ANXA8: variants seen among roughly 807,000 people sequenced by gnomAD.
The protein encoded by ANXA8 is annexin A8, also known as VAC-beta.
ANXA8 carries 9 observed loss-of-function variants against 26.8 expected under a neutral mutation model. The ratio of observed to expected loss-of-function variants is 0.34; its 90% confidence interval spans 0.20 to 0.59. The LOEUF is 0.59. Among genes scored for constraint, ANXA8 ranks in the 20% least tolerant of loss-of-function variants. The pLI, the probability that ANXA8 is intolerant of heterozygous loss-of-function variation, is 0.84. For missense variants in ANXA8, 83 were observed against 238.5 expected, an observed-to-expected ratio of 0.35 and a Z score of 4.29; for synonymous variants, 39 against 94.8, an observed-to-expected ratio of 0.41 and a Z score of 3.42.
the ANXA8 span, among the ~76,000 whole-genome samples, chr10:47,559,967 C>G: frequency 8.6e-5 from 13 of 151,478 alleles, no homozygotes; most frequent in African/African-American, 2.7e-4. Context: ...GCAGGTTGAG[C>G]TCTCTAAATG....
chr10:47,953,774 CAT>C, the ANXA8 span, among the ~76,000 whole-genome samples: 5 of 150,676 alleles, frequency 3.3e-5, no homozygotes. Context: ...ACAAATGACA[CAT>C]AGGCATATGA....
At chr10:47,970,231 T>C in the ANXA8 span, 1 of 151,462 alleles carries the variant, frequency 6.6e-6, no homozygotes, top group Non-Finnish European at 1.5e-5. Flanking sequence ...TCTTGCTATG[T>C]GCAGCCAGTG....
At chr10:47,743,341 C>CACAT in the ANXA8 span, among the ~76,000 whole-genome samples, 1 of 53,744 alleles carries the variant, frequency 1.9e-5, no homozygotes, top group African/African-American at 5.5e-5. Context: ...TATATATATA[C>CACAT]ATATATATAT....
the ANXA8 span, among the ~76,000 whole-genome samples, chr10:47,627,811 C>T: frequency 1.3e-5 from 2 of 149,156 alleles, no homozygotes; most frequent in East Asian, 3.8e-4. Context: ...GCAAATGTGT[C>T]CAAAAATCTG....
At chr10:47,722,567 C>T in the ANXA8 span, among the ~76,000 whole-genome samples, 2 of 139,780 alleles carry the variant, frequency 1.4e-5, 1 homozygote, top group African/African-American at 5.2e-5. Flanking sequence ...CAAAGTGGCT[C>T]ATTCATATGG....
At chr10:47,695,841 C>T in the ANXA8 span, among the ~76,000 whole-genome samples, 67 of 151,932 alleles carry the variant, frequency 4.4e-4, no homozygotes, top group East Asian at 0.01. Context: ...CTACTCTATC[C>T]GCCTTAGATA....
the ANXA8 span, among the ~76,000 whole-genome samples, chr10:47,743,882 G>T: frequency 7.1e-6 from 1 of 141,540 alleles, no homozygotes; most frequent in South Asian, 2.2e-4. Flanking sequence ...CCCAGACCCC[G>T]GGAAGTTTGT....
the ANXA8 span, among the ~76,000 whole-genome samples, chr10:47,515,748 G>T: frequency 1.4e-5 from 2 of 139,814 alleles, no homozygotes; most frequent in Admixed American, 1.5e-4. Flanking sequence ...GCAGAAAATT[G>T]GGAGATCCTT....
At chr10:47,572,821 A>G in the ANXA8 span, among the ~76,000 whole-genome samples, 2 of 151,438 alleles carry the variant, frequency 1.3e-5, no homozygotes, top group Admixed American at 6.6e-5. Flanking sequence ...GCAGAAAACT[A>G]GTAAGCCTAA....
At chr10:47,659,695 G>T in the ANXA8 span, among the ~76,000 whole-genome samples, 1 of 150,392 alleles carries the variant, frequency 6.6e-6, no homozygotes, top group African/African-American at 2.5e-5. Context: ...AAAAAAAAGA[G>T]TGTTTTAGCA....
the ANXA8 span, among the ~76,000 whole-genome samples, chr10:47,653,455 A>C: frequency 1.4e-4 from 21 of 151,782 alleles, no homozygotes; most frequent in African/African-American, 5.1e-4. Context: ...AGAGGCGAGG[A>C]AAAGTAAGTA....
At chr10:47,974,445 GT>G in the ANXA8 span, among the ~76,000 whole-genome samples, 1 of 147,632 alleles carries the variant, frequency 6.8e-6, no homozygotes, top group Non-Finnish European at 1.5e-5. Context: ...TAGCTTTGGG[GT>G]TGGTTTGCTC....
chr10:47,756,554 G>T, the ANXA8 span, among the ~76,000 whole-genome samples: 1 of 144,582 alleles, frequency 6.9e-6, no homozygotes, highest in Non-Finnish European at 1.5e-5. Context: ...CAGGCCCCCT[G>T]GGGCCCCTTA....
the ANXA8 span, among the ~76,000 whole-genome samples, chr10:47,725,309 G>T: frequency 1.9e-5 from 1 of 53,978 alleles, no homozygotes; most frequent in South Asian, 5.6e-4. Context: ...GCAATATGAG[G>T]GTTGTAATTT....
the ANXA8 span, among the ~76,000 whole-genome samples, chr10:47,673,616 T>C: frequency 1.3e-5 from 2 of 151,656 alleles, no homozygotes; most frequent in Non-Finnish European, 2.9e-5. Flanking sequence ...AACCAAACTC[T>C]GACCGTGGCG....
the ANXA8 span, chr10:47,504,377 T>A: frequency 1.1e-6 from 1 of 923,206 alleles, no homozygotes. Flanking sequence ...TCCTGGATCC[T>A]GACTTGCAGA....
At chr10:47,660,378 T>C in the ANXA8 span, among the ~76,000 whole-genome samples, 1 of 150,998 alleles carries the variant, frequency 6.6e-6, no homozygotes, top group African/African-American at 2.5e-5. Flanking sequence ...TCAGCAAAAG[T>C]GGTATTTTCT....
chr10:47,555,071 A>T, the ANXA8 span, among the ~76,000 whole-genome samples: 3 of 150,628 alleles, frequency 2.0e-5, no homozygotes, highest in African/African-American at 7.4e-5. Flanking sequence ...AGCAATGGAG[A>T]GACTTTGTAG....
At chr10:47,761,133 T>G in the ANXA8 span, among the ~76,000 whole-genome samples, 1 of 145,466 alleles carries the variant, frequency 6.9e-6, no homozygotes, top group Non-Finnish European at 1.5e-5. Flanking sequence ...CACACAGCAG[T>G]GGGATTTGGA....
Sources: allele counts gnomAD v4.1 joint callset (sites outside exome capture counted in the v4.1 genomes callset), GRCh38; gene constraint gnomAD v4.1.1; transcripts MANE v1.5; gene names NCBI Gene and HGNC (gene_info 2026-07-23, HGNC 2026-07-21).